CSMD1: variants seen among roughly 807,000 people sequenced by gnomAD.
CSMD1 encodes CUB and sushi domain-containing protein 1.
In CSMD1, 213 loss-of-function variants were observed where a neutral mutation model predicts 417.5. That is an observed-to-expected ratio of 0.51 (90% CI 0.46 to 0.57). CSMD1 has a LOEUF of 0.57. CSMD1 is among the 20% of genes least tolerant of loss of function. The pLI is 0.00. For missense variants in CSMD1, 6,923 were observed against 4,529.7 expected (o/e 1.53, Z -15.17); for synonymous variants, 2,862 against 1,736.8 (o/e 1.65, Z -16.11).
intron 11 of CSMD1, among the ~76,000 whole-genome samples, chr8:3,482,512 C>T (rs753792200): frequency 1.2e-4 from 19 of 152,080 alleles, no homozygotes; most frequent in African/African-American, 2.7e-4. Context: ...CAGAGCTTCA[C>T]GACAAGAAGC....
chr8:4,153,254 C>A (rs1045031308), intron 3 of CSMD1, among the ~76,000 whole-genome samples: 1 of 152,196 alleles, frequency 6.6e-6, no homozygotes, highest in Non-Finnish European at 1.5e-5. Flanking sequence ...AGAAATGATA[C>A]ATACGGCTAT....
chr8:3,643,700 C>CAAAAAAAAAAAAAAAAAAAAAAAAAA (rs66500235), intron 7 of CSMD1, among the ~76,000 whole-genome samples: 6 of 85,332 alleles, frequency 7.0e-5, no homozygotes, highest in East Asian at 4.2e-4. Context: ...GACTCCGTCT[C>CAAAAAAAAAAAAAAAAAAAAAAAAAA]AAAAAAAAAA....
At chr8:3,488,043 T>C (rs1003349966) in intron 11 of CSMD1, among the ~76,000 whole-genome samples, 4 of 151,812 alleles carry the variant, frequency 2.6e-5, no homozygotes, top group African/African-American at 9.7e-5. Flanking sequence ...GAGGTGACTT[T>C]TTTTTTCTAA....
At chr8:4,058,117 C>T (rs539053808) in intron 3 of CSMD1, among the ~76,000 whole-genome samples, 2 of 152,220 alleles carry the variant, frequency 1.3e-5, no homozygotes, top group African/African-American at 2.4e-5. Flanking sequence ...CTATAAATTA[C>T]CTTGGGCAGC....
chr8:4,212,193 T>C (rs932913090), intron 3 of CSMD1, among the ~76,000 whole-genome samples: 9 of 149,974 alleles, frequency 6.0e-5, no homozygotes, highest in African/African-American at 2.2e-4. Flanking sequence ...TATATATATA[T>C]ATTATTTTCT....
intron 1 of CSMD1, among the ~76,000 whole-genome samples, chr8:4,659,848 C>G (rs1804476781): frequency 6.6e-6 from 1 of 151,626 alleles, no homozygotes; most frequent in Non-Finnish European, 1.5e-5. Flanking sequence ...TATTAACATG[C>G]TAAACAATAA....
chr8:3,558,693 C>T (rs1166559030), intron 10 of CSMD1, among the ~76,000 whole-genome samples: 2 of 150,762 alleles, frequency 1.3e-5, no homozygotes, highest in African/African-American at 4.9e-5. Flanking sequence ...ACCCCGTGTC[C>T]ACTCCCGCAA....
At chr8:3,729,429 G>C (rs968332025) in intron 6 of CSMD1, among the ~76,000 whole-genome samples, 1 of 152,176 alleles carries the variant, frequency 6.6e-6, no homozygotes, top group Admixed American at 6.5e-5. Flanking sequence ...TGTTAAAAGA[G>C]GGATATAATA....
intron 39 of CSMD1, 65 bp from the exon 40 acceptor site, chr8:3,151,578 C>T (rs1020534953): frequency 3.0e-6 from 3 of 999,422 alleles, no homozygotes; most frequent in African/African-American, 3.2e-5. Flanking sequence ...TTTGCTCCAA[C>T]CTGCTTCACT....
intron 49 of CSMD1, among the ~76,000 whole-genome samples, chr8:3,067,558 T>A (rs1462776841): frequency 2.6e-5 from 4 of 151,516 alleles, no homozygotes; most frequent in African/African-American, 9.7e-5. Flanking sequence ...TAAAGTGAGC[T>A]CAACTCTAAT....
chr8:4,758,419 C>T (rs1449242554), intron 1 of CSMD1, among the ~76,000 whole-genome samples: 1 of 152,064 alleles, frequency 6.6e-6, no homozygotes, highest in South Asian at 2.1e-4. Context: ...GATTGTAGAA[C>T]ACAAAATGGC....
chr8:4,330,488 G>C (rs1216075856), intron 3 of CSMD1, among the ~76,000 whole-genome samples: 2 of 151,776 alleles, frequency 1.3e-5, no homozygotes, highest in Non-Finnish European at 2.9e-5. Flanking sequence ...TACTTAGGAG[G>C]CTGAGACAGG....
At chr8:3,407,816 G>C (rs755386129) in intron 14 of CSMD1, 83 bp downstream of exon 14, 4 of 1,175,770 alleles carry the variant, frequency 3.4e-6, no homozygotes, top group Non-Finnish European at 2.4e-6. Context: ...ACCTTGAAAT[G>C]CAACTTCACA....
At chr8:4,870,339 A>G (rs1305196676) in intron 1 of CSMD1, among the ~76,000 whole-genome samples, 1 of 152,156 alleles carries the variant, frequency 6.6e-6, no homozygotes, top group Non-Finnish European at 1.5e-5. Flanking sequence ...GGCAACAATC[A>G]TATTTTTATG....
intron 68 of CSMD1, among the ~76,000 whole-genome samples, chr8:2,946,364 C>T (rs141852334): frequency 6.7e-4 from 102 of 152,290 alleles, no homozygotes; most frequent in African/African-American, 2.2e-3. Flanking sequence ...AAAAGAATCT[C>T]AGTATCTCTT....
At chr8:3,669,705 C>G (rs960742042) in intron 7 of CSMD1, among the ~76,000 whole-genome samples, 7 of 152,028 alleles carry the variant, frequency 4.6e-5, no homozygotes, top group South Asian at 2.1e-4. Context: ...ATGCTAGGAA[C>G]TGGGTACAAA....
At chr8:4,423,682 T>A (rs1465166798) in intron 2 of CSMD1, among the ~76,000 whole-genome samples, 1 of 151,968 alleles carries the variant, frequency 6.6e-6, no homozygotes, top group African/African-American at 2.4e-5. Context: ...CCAGCAAGAA[T>A]TTTTGGGTAT....
At chr8:3,832,209 G>A (rs76344337) in intron 5 of CSMD1, among the ~76,000 whole-genome samples, 7 of 152,156 alleles carry the variant, frequency 4.6e-5, no homozygotes, top group Non-Finnish European at 8.8e-5. Context: ...GATGGAATAA[G>A]CTGTGCCCTG....
chr8:3,778,884 A>C (rs954348203), intron 5 of CSMD1, among the ~76,000 whole-genome samples: 1 of 152,164 alleles, frequency 6.6e-6, no homozygotes, highest in African/African-American at 2.4e-5. Flanking sequence ...AGGCATTTGG[A>C]CAAAAAGTAG....
Sources: gnomAD v4.1 joint callset for allele counts (sites outside exome capture counted in the v4.1 genomes callset) on GRCh38, gnomAD v4.1.1 for gene constraint, MANE v1.5 for transcripts, NCBI Gene and HGNC (gene_info 2026-07-23, HGNC 2026-07-21) for gene names.